EHMT1: variants seen among roughly 807,000 people sequenced by gnomAD.
The protein encoded by EHMT1 is histone-lysine N-methyltransferase EHMT1.
Under a neutral mutation model 147.2 loss-of-function variants are expected in EHMT1, and 15 were observed. The observed-to-expected ratio is 0.10, with a 90% CI of 0.07 to 0.16. The LOEUF (loss-of-function observed/expected upper bound fraction) is 0.16. Ranked by LOEUF, EHMT1 falls within the 10% of genes least tolerant of loss-of-function variation. The pLI, the probability that EHMT1 is intolerant of heterozygous loss-of-function variation, is 1.00. For missense variants in EHMT1, 1,587 were observed against 1,772.4 expected, an observed-to-expected ratio of 0.90 and a Z score of 1.88; for synonymous variants, 795 against 709.6, an observed-to-expected ratio of 1.12 and a Z score of -1.91.
chr9:137,634,177 C>G (rs1196553098), intron 1 of EHMT1, among the ~76,000 whole-genome samples: 1 of 152,116 alleles, frequency 6.6e-6, no homozygotes, highest in Non-Finnish European at 1.5e-5. Context: ...ATGAAATCCA[C>G]CTTCTTGTTT....
In EHMT1 at chr9:137,835,179, G is replaced by T. The variant is rs571061996; in HGVS notation, c.*226G>T. The T allele has an allele frequency of 2.7e-5, 12 of 443,218 alleles. No individual in the cohort carries two copies. The highest frequency in any genetic ancestry group is 3.8e-6 in the Non-Finnish European group (1 of 262,636). The allele number at this position is 443,218 out of a possible 1,614,324, so 27.5% of individuals were successfully genotyped here. A position where few individuals can be genotyped will look rare whatever the true frequency, so the allele number is the denominator to read the frequency against. ...CACCGCGGGCCCAGTGCCCAGGCTG[G>T]AGCGCACACTTTGGTCCGCGCGCCA... On this transcript the variant is annotated 3_prime_UTR_variant, in exon 27 of 27. Coordinates refer to ENST00000460843, the MANE Select transcript of EHMT1 (RefSeq NM_024757.5).
chr9:137,834,758 C>G lies in EHMT1; in HGVS notation c.3717-15C>G, dbSNP rs1956485269. Reference sequence around the variant, plus strand: ...TGGGATTCGACTTGGAGCCTTGGTTCTGTTCCCTCCCCAGGTTTGACTATG... The same window carrying G: ...TGGGATTCGACTTGGAGCCTTGGTTGTGTTCCCTCCCCAGGTTTGACTATG... On this transcript the variant is annotated splice_polypyrimidine_tract_variant and intron_variant, in intron 26 of 26. Coordinates refer to ENST00000460843, the MANE Select transcript of EHMT1 (RefSeq NM_024757.5). The G allele has an allele frequency of 5.0e-6, 8 of 1,613,508 alleles. No homozygotes were observed. Among genetic ancestry groups the G allele is most frequent in the South Asian group, 2.2e-5 (2 of 91,074 alleles).
Position 137,622,467 on chromosome 9 carries a change from T to C in EHMT1, c.21+3418T>C, listed in dbSNP as rs147770201. Among the ~76,000 whole-genome samples the C allele has an allele frequency of 4.9e-3, 739 of 152,322 alleles. 3 individuals are homozygous for C. Among genetic ancestry groups the C allele is most frequent in the Non-Finnish European group, 8.4e-3 (572 of 68,016 alleles). The stretch of plus-strand genomic sequence containing the variant: ...GAAGAAGCAGCCCACTTGCATCTCT[T>C]GAGCATTTACTTCATGTTTCTAAAT... On this transcript the variant is annotated intron_variant, in intron 1 of 26. Coordinates refer to ENST00000460843, the MANE Select transcript of EHMT1 (RefSeq NM_024757.5).
In EHMT1 at chr9:137,757,939, A is replaced by G; in HGVS notation, c.1429A>G (p.Thr477Ala). 1.2e-6 allele frequency: 2 copies of G among 1,614,122 alleles called. No individual in the cohort carries two copies. The highest frequency in any genetic ancestry group is 1.6e-4 in the Middle Eastern group (1 of 6,062). The change falls in exon 9 of 27, where the codon ACA (threonine) becomes GCA (alanine). Residue 477 changes from threonine (T) to alanine (A), a missense_variant. Thr to Ala is a moderately conservative substitution (Grantham distance 58, BLOSUM62 0). Around this residue, in one of 7 missense-constraint regions of EHMT1, gnomAD observed 810 missense variants for 673.0 expected, o/e 1.20. Coordinates refer to ENST00000460843, the MANE Select transcript of EHMT1 (RefSeq NM_024757.5). ...TGAGCAGACGGCACCAGGAGACAGC[A>G]CAGGGTACATGGAAGTTTCTCTGGA... The part of the protein sequence containing the change: ...SAEQTAPGDS[T>A]GYMEVSLDSL...
At chr9:137,675,786 T>A (rs1177430826) in intron 1 of EHMT1, among the ~76,000 whole-genome samples, 4 of 124,496 alleles carry the variant, frequency 3.2e-5, no homozygotes, top group Non-Finnish European at 6.6e-5. Context: ...CTAATTTTTT[T>A]TTTTTTTTTT....
At chr9:137,709,575 G>A (rs985827635) in intron 1 of EHMT1, among the ~76,000 whole-genome samples, 8 of 152,210 alleles carry the variant, frequency 5.3e-5, no homozygotes, top group Admixed American at 2.6e-4. Flanking sequence ...CTGGCCTGGC[G>A]TCTGCTTTGT....
chr9:137,678,684 A>G (rs1256488633), intron 1 of EHMT1, among the ~76,000 whole-genome samples: 1 of 151,824 alleles, frequency 6.6e-6, no homozygotes, highest in African/African-American at 2.4e-5. Context: ...TTTATAAATC[A>G]GGCACAGTAA....
At position 137,812,949 on chromosome 9, in the gene EHMT1, G is replaced by A; in HGVS notation, c.2868-57G>A. 1.9e-6 allele frequency: 3 copies of A among 1,600,204 alleles called. No homozygotes were observed. The South Asian group carries it at 3.3e-5, about 18-fold the overall frequency. ...GACGGACATTTTATAAATCTCATCT[G>A]TATCACATTTTCAAGTCAGCTTTAA... On this transcript the variant is annotated intron_variant, in intron 19 of 26. Coordinates refer to ENST00000460843, the MANE Select transcript of EHMT1 (RefSeq NM_024757.5).
At chr9:137,755,177 T>A (rs1180320460) in intron 8 of EHMT1, among the ~76,000 whole-genome samples, 1 of 152,232 alleles carries the variant, frequency 6.6e-6, no homozygotes, top group Non-Finnish European at 1.5e-5. Context: ...CACAGTCAGA[T>A]GATCAGTGCC....
rs185023942 is a variant in EHMT1 at position 137,645,522 on chromosome 9, A to G, written c.21+26473A>G. ...CTTGTGTCCTAGTTTTGAGAAAGAC[A>G]AACAATTACACACTTTGGTAATTGC... On this transcript the variant is annotated intron_variant, in intron 1 of 26. Coordinates refer to ENST00000460843, the MANE Select transcript of EHMT1 (RefSeq NM_024757.5). 1.6e-3 allele frequency among the ~76,000 whole-genome samples: 239 copies of G among 152,350 alleles called. 1 individual carries two copies. The highest frequency in any genetic ancestry group is 5.6e-3 in the African/African-American group (231 of 41,592).
At chr9:137,734,636 G>C (rs1947379850) in intron 4 of EHMT1, among the ~76,000 whole-genome samples, 1 of 152,152 alleles carries the variant, frequency 6.6e-6, no homozygotes, top group Non-Finnish European at 1.5e-5. Flanking sequence ...AACTCAAAGA[G>C]ACCCACAGTA....
At chr9:137,685,682 A>G (rs754407146) in intron 1 of EHMT1, among the ~76,000 whole-genome samples, 1 of 152,170 alleles carries the variant, frequency 6.6e-6, no homozygotes, top group Non-Finnish European at 1.5e-5. Flanking sequence ...TTGTGTTTCC[A>G]TTAGCAATAC....
At chr9:137,639,880 C>T (rs574995812) in intron 1 of EHMT1, among the ~76,000 whole-genome samples, 2 of 152,330 alleles carry the variant, frequency 1.3e-5, no homozygotes, top group African/African-American at 2.4e-5. Flanking sequence ...GCTGTGATAT[C>T]AGAATGCCCA....
chr9:137,632,503 G>A (rs1360851774), intron 1 of EHMT1, among the ~76,000 whole-genome samples: 1 of 152,058 alleles, frequency 6.6e-6, no homozygotes, highest in African/African-American at 2.4e-5. Context: ...TCCTGGGCTC[G>A]AGCAGTCCTC....
At chr9:137,809,435 G>A (rs539357885) in intron 18 of EHMT1, among the ~76,000 whole-genome samples, 1 of 152,332 alleles carries the variant, frequency 6.6e-6, no homozygotes, top group South Asian at 2.1e-4. Flanking sequence ...GGAGGGAGGC[G>A]GGGCAGAGCT....
At chr9:137,718,266 A>G (rs962233936) in intron 3 of EHMT1, among the ~76,000 whole-genome samples, 4 of 152,240 alleles carry the variant, frequency 2.6e-5, no homozygotes, top group Non-Finnish European at 4.4e-5. Context: ...TGATCACCAG[A>G]TCTTACGTGG....
At chr9:137,717,420 T>C (rs1345795306) in intron 3 of EHMT1, 26 of 621,894 alleles carry the variant, frequency 4.2e-5, no homozygotes. Flanking sequence ...CTGGGCAGCG[T>C]GGCGAAACTC....
intron 18 of EHMT1, among the ~76,000 whole-genome samples, chr9:137,810,046 C>T (rs1423879994): frequency 3.7e-5 from 4 of 109,350 alleles, no homozygotes; most frequent in African/African-American, 2.5e-4. Flanking sequence ...GTTCCGATGC[C>T]GCCCCGTGTG....
intron 10 of EHMT1, among the ~76,000 whole-genome samples, chr9:137,769,915 C>T (rs1370507406): frequency 6.6e-6 from 1 of 152,132 alleles, no homozygotes; most frequent in Non-Finnish European, 1.5e-5. Flanking sequence ...CGACACAGTG[C>T]AGCCTCAACC....
Sources: gnomAD v4.1 joint callset for allele counts (sites outside exome capture counted in the v4.1 genomes callset) on GRCh38, gnomAD v4.1.1 for gene constraint, gnomAD v4.1.1 regional missense constraint, MANE v1.5 for transcripts, NCBI Gene and HGNC (gene_info 2026-07-23, HGNC 2026-07-21) for gene names.